The following ACP7 variants were observed in gnomAD, a reference collection of about 807,000 sequenced individuals.
ACP7 encodes acid phosphatase type 7.
A neutral mutation model predicts 60.6 loss-of-function variants in ACP7; 58 were observed. The observed-to-expected ratio is 0.96, with a 90% CI of 0.77 to 1.19. ACP7 has a LOEUF of 1.19. Ranked by LOEUF, ACP7 falls within the 50% of genes most tolerant of loss-of-function variation. The probability of loss-of-function intolerance (pLI) is 0.00; values close to 1 mark genes in which losing one functional copy is unlikely to be tolerated. For missense variants in ACP7, 574 were observed against 596.2 expected, an observed-to-expected ratio of 0.96 and a Z score of 0.39; for synonymous variants, 237 against 232.6, an observed-to-expected ratio of 1.02 and a Z score of -0.17.
intron 12 of ACP7, among the ~76,000 whole-genome samples, chr19:39,107,851 C>A (rs973195851): frequency 3.3e-5 from 5 of 151,266 alleles, no homozygotes; most frequent in African/African-American, 1.2e-4. Flanking sequence ...GCACCACTGC[C>A]CTCCAGCCTG....
intron 11 of ACP7, among the ~76,000 whole-genome samples, chr19:39,103,193 G>A (rs1051358094): frequency 1.4e-4 from 21 of 152,104 alleles, no homozygotes; most frequent in African/African-American, 4.1e-4. Flanking sequence ...CAAGATTTAC[G>A]AATTGAGATC....
chr19:39,084,138 T>A, upstream of ACP7, among the ~76,000 whole-genome samples: 1 of 151,966 alleles, frequency 6.6e-6, no homozygotes, highest in East Asian at 1.9e-4. Context: ...GCCGGAGACG[T>A]ATCATAACCT....
At position 39,100,779 on chromosome 19, in the gene ACP7, G is replaced by A; in HGVS notation, c.733G>A (p.Glu245Lys). The A allele has an allele frequency of 2.5e-6, 4 of 1,613,972 alleles. No individual in the cohort carries two copies. The highest frequency in any genetic ancestry group is 3.4e-6 in the Non-Finnish European group (4 of 1,179,994). Residue 245 changes from glutamate (E) to lysine (K), a missense_variant, in exon 7 of 13, where the codon GAG (glutamate) becomes AAG (lysine). Coordinates refer to ENST00000331256, the MANE Select transcript of ACP7 (RefSeq NM_001004318.3). ...GPAHIISFST[E>K]VYFFLHYGRH... ...CGCCCACATCATCTCCTTCTCCACC[G>A]AGGTCTATTTCTTTCTCCATTATGG...
chr19:39,103,451 T>G (rs899247773), intron 11 of ACP7, among the ~76,000 whole-genome samples: 4 of 147,384 alleles, frequency 2.7e-5, no homozygotes, highest in East Asian at 4.0e-4. Flanking sequence ...GTTTTTTTTT[T>G]TTTTTTTTTT....
intron 11 of ACP7, among the ~76,000 whole-genome samples, chr19:39,102,244 AG>A (rs1472061348): frequency 6.6e-6 from 1 of 151,892 alleles, no homozygotes. Context: ...GCTTGATCCT[AG>A]GAGTTTGAGG....
intron 2 of ACP7, among the ~76,000 whole-genome samples, chr19:39,097,856 T>C (rs756459819): frequency 1.3e-5 from 2 of 152,170 alleles, no homozygotes; most frequent in African/African-American, 2.4e-5. Flanking sequence ...TATTTATTCA[T>C]CTAAGCCTCA....
rs1351338170 is a variant in ACP7 at position 39,110,323 on chromosome 19, G to T, written c.*205G>T. The T allele has an allele frequency of 3.4e-6, 2 of 592,498 alleles. No individual in the cohort carries two copies. The highest frequency in any genetic ancestry group is 1.9e-5 in the African/African-American group (1 of 53,720). The allele number at this position is 592,498 out of a possible 1,614,324, so 36.7% of individuals were successfully genotyped here. On this transcript the variant is annotated 3_prime_UTR_variant, in exon 13 of 13. Coordinates refer to ENST00000331256, the MANE Select transcript of ACP7 (RefSeq NM_001004318.3). ...GGAGTCCTGGCTGGCTGTGGAGGGA[G>T]GGCAGGTGTGCGGGCACAGAGTGAC...
rs1169438761 is a variant in ACP7, at chr19:39,111,421, A to G, written c.*1303A>G. The G allele has an allele frequency of 1.3e-5, 2 of 152,292 alleles. No homozygotes were observed. Among genetic ancestry groups the G allele is most frequent in the Non-Finnish European group, 2.9e-5 (2 of 68,098 alleles). 9.4% of individuals were successfully genotyped at this position (152,292 alleles called of 1,614,324 possible). A position where few individuals can be genotyped will look rare whatever the true frequency, so the allele number is the denominator to read the frequency against. ...GCGCCACTGCACCCCAGCCTGGGCA[A>G]CAGAGCAAGACCCTGTCTCAAAAAA... On this transcript the variant is annotated 3_prime_UTR_variant, in exon 13 of 13. Coordinates refer to ENST00000331256, the MANE Select transcript of ACP7 (RefSeq NM_001004318.3).
At position 39,088,692 on chromosome 19, in the gene ACP7, C is replaced by T. The variant is rs550055551; in HGVS notation, c.121+3302C>T. Among the ~76,000 whole-genome samples, 5 of 152,170 alleles carry T rather than the reference C, an allele frequency of 3.3e-5. No individual in the cohort carries two copies. In the South Asian group the frequency reaches 8.3e-4, roughly 25 times the overall value. On this transcript the variant is annotated intron_variant, in intron 2 of 12. Transcript: ENST00000331256. ...TCACACAGCCTGGGAATCTGAATGC[C>T]GGCAGGCTAGCTCAGAAGCCCACGA...
rs775272093 is a variant in ACP7, at chr19:39,100,739, C to G, written c.693C>G (p.Ser231Arg). Residue 231 changes from serine to arginine, a missense_variant and splice_region_variant, in exon 7 of 13, where the codon AGC (serine) becomes AGG (arginine). Physicochemically the swap from Ser to Arg is moderately radical, Grantham distance 110. Transcript: ENST00000331256. ...MPGDNEGLWYSWDLGPAHIIS... is the reference protein window; with the variant it reads ...MPGDNEGLWYRWDLGPAHIIS... ...GACCCCTGCCCTTTGACTCCTCCAG[C>G]TGGGATCTGGGTCCCGCCCACATCA... The G allele has an allele frequency of 2.5e-6, 4 of 1,613,890 alleles. No homozygotes were observed. The South Asian group carries it at 4.4e-5, about 18-fold the overall frequency.
intron 2 of ACP7, among the ~76,000 whole-genome samples, chr19:39,088,194 T>C (rs1042426958): frequency 6.6e-6 from 1 of 151,526 alleles, no homozygotes; most frequent in Admixed American, 6.6e-5. Context: ...GCTAATTCTT[T>C]TTATTTTTTG....
At chr19:39,098,715 A>C in intron 3 of ACP7, 57 bp downstream of exon 3, 1 of 1,521,400 alleles carries the variant, frequency 6.6e-7, no homozygotes, top group Middle Eastern at 1.7e-4. Context: ...AGTGGGATGC[A>C]GACTAGAAGC....
chr19:39,094,546 C>CGG (rs2144987549), intron 2 of ACP7, among the ~76,000 whole-genome samples: 2 of 151,156 alleles, frequency 1.3e-5, no homozygotes, highest in Non-Finnish European at 2.9e-5. Flanking sequence ...ATAGAAAAGC[C>CGG]GGGCACATGT....
chr19:39,102,118 TCTCACACACA>T (rs1260568765), intron 11 of ACP7, among the ~76,000 whole-genome samples: 23 of 133,004 alleles, frequency 1.7e-4, no homozygotes, highest in East Asian at 4.4e-4. Flanking sequence ...AGACCCTTTC[TCTCACACACA>T]CACACACACA....
chr19:39,108,640 G>A (rs573166874), intron 12 of ACP7, among the ~76,000 whole-genome samples: 1 of 152,140 alleles, frequency 6.6e-6, no homozygotes, highest in South Asian at 2.1e-4. Flanking sequence ...CACAGGTAGG[G>A]GAAAACAATA....
In ACP7 at chr19:39,098,920, G is replaced by A. The variant is rs762245347; in HGVS notation, c.323-40G>A. The A allele has an allele frequency of 5.1e-6, 8 of 1,571,032 alleles. No individual in the cohort carries two copies. In the South Asian group the frequency reaches 7.9e-5, roughly 16 times the overall value. ...GATGGGGTTGGAGGGAGGGTCCCGG[G>A]GCGCCCCAGCTGACTGCGACCTTTT... On this transcript the variant is annotated intron_variant, in intron 3 of 12. Coordinates refer to ENST00000331256, the MANE Select transcript of ACP7 (RefSeq NM_001004318.3).
rs2073340222 is a variant in ACP7 at position 39,101,183 on chromosome 19, T to C, written c.949T>C (p.Leu317=). ...AGGCCTCCAAGGCAAGCTGTACGGG[T>C]TGGAGGATCTTTTCTACAAATATGG... The part of the protein sequence containing the change: ...RKGLQGKLYG[L]EDLFYKYGVD... The change falls in exon 9 of 13, where the codon TTG becomes CTG. Residue 317 remains leucine, a synonymous_variant. Coordinates refer to ENST00000331256, the MANE Select transcript of ACP7 (RefSeq NM_001004318.3). 1.2e-6 allele frequency: 2 copies of C among 1,613,978 alleles called. No homozygotes were observed. The highest frequency in any genetic ancestry group is 1.7e-6 in the Non-Finnish European group (2 of 1,180,022).
At chr19:39,104,344 A>C (rs539986138) in intron 11 of ACP7, among the ~76,000 whole-genome samples, 72 of 151,684 alleles carry the variant, frequency 4.7e-4, no homozygotes, top group African/African-American at 1.7e-3. Context: ...GTCATGCCCT[A>C]GTGGTTCTCA....
intron 11 of ACP7, among the ~76,000 whole-genome samples, chr19:39,105,218 T>C (rs1411730226): frequency 6.6e-6 from 1 of 151,752 alleles, no homozygotes; most frequent in Non-Finnish European, 1.5e-5. Context: ...GGTTTCACCG[T>C]GTTGGCCAGG....
Sources: gnomAD v4.1 joint callset for allele counts (sites outside exome capture counted in the v4.1 genomes callset) on GRCh38, gnomAD v4.1.1 for gene constraint, MANE v1.5 for transcripts, NCBI Gene and HGNC (gene_info 2026-07-23, HGNC 2026-07-21) for gene names.